PCDHA12: variants seen among roughly 807,000 people sequenced by gnomAD.
PCDHA12 encodes the protein protocadherin alpha 12, also known as protocadherin alpha-12.
In PCDHA12, 44 loss-of-function variants were observed where a neutral mutation model predicts 60.0. The observed-to-expected ratio is 0.73, with a 90% CI of 0.58 to 0.94. The LOEUF (loss-of-function observed/expected upper bound fraction) is 0.94. Among genes scored for constraint, PCDHA12 ranks in the 40% least tolerant of loss-of-function variants. The probability of loss-of-function intolerance (pLI) is 0.00; values close to 1 mark genes in which losing one functional copy is unlikely to be tolerated. For synonymous variants in PCDHA12, 569 were observed against 553.0 expected (o/e 1.03, Z -0.40); for missense variants, 1,276 against 1,239.7 (o/e 1.03, Z -0.44).
chr5:140,877,335 G>T lies in PCDHA12; in HGVS notation c.1863G>T (p.Pro621=). Residue 621 remains proline (P), a synonymous_variant, in exon 1 of 4, where the codon CCG becomes CCT. Transcript: ENST00000398631. ...LQPAAVGAHI[P]FHVGLYTGEI... ...CGGCGGCGGTCGGCGCGCACATCCC[G>T]TTCCACGTGGGGCTGTACACTGGCG... is the stretch of plus-strand genomic sequence containing the variant. The T allele has an allele frequency of 1.2e-6, 2 of 1,613,978 alleles. No homozygotes were observed. Among genetic ancestry groups the T allele is most frequent in the Non-Finnish European group, 1.7e-6 (2 of 1,179,872 alleles).
In PCDHA12 at chr5:140,876,867, G is replaced by A; in HGVS notation, c.1395G>A (p.Lys465=). 1 of 1,614,152 alleles carries A rather than the reference G, an allele frequency of 6.2e-7. No homozygotes were observed. The highest frequency in any genetic ancestry group is 8.5e-7 in the Non-Finnish European group (1 of 1,180,006). ...AGCCCGAGTACACAGTGTTCGTGAA[G>A]GAGAACAACCCGCCGGGCTGCCACA... ...FAQPEYTVFV[K]ENNPPGCHIF... The change falls in exon 1 of 4, where the codon AAG becomes AAA. Residue 465 remains lysine (K), a synonymous_variant. Transcript: ENST00000398631.
chr5:140,927,513 C>G, intron 1 of PCDHA12: 1 of 1,614,062 alleles, frequency 6.2e-7, no homozygotes, highest in Non-Finnish European at 8.5e-7. Context: ...CAGCTCGGGA[C>G]GGCGGGCTAC....
chr5:140,927,451 T>C (rs782170767), intron 1 of PCDHA12: 4 of 1,614,082 alleles, frequency 2.5e-6, no homozygotes, highest in South Asian at 1.1e-5. Context: ...GGAGTTGGTG[T>C]TGGAGAAAGC....
At position 140,928,315 on chromosome 5, in the gene PCDHA12, G is replaced by A. The variant is rs535660713; in HGVS notation, c.2367+50476G>A. On this transcript the variant is annotated intron_variant, in intron 1 of 3. Coordinates refer to ENST00000398631, the MANE Select transcript of PCDHA12 (RefSeq NM_018903.4). ...AGTGTTTGCCCAGGACCCCGACCTG[G>A]GGAAGAATGGCCTTGTCTCTTATGA... The A allele has an allele frequency of 1.3e-4, 210 of 1,614,054 alleles. No homozygotes were observed. Among genetic ancestry groups the A allele is most frequent in the Non-Finnish European group, 1.7e-4 (203 of 1,180,048 alleles).
At chr5:140,928,293 G>A (rs782241081) in intron 1 of PCDHA12, 1 of 1,614,150 alleles carries the variant, frequency 6.2e-7, no homozygotes, top group South Asian at 1.1e-5. Flanking sequence ...TAGGCCGAGT[G>A]TTTGCCCAGG....
At chr5:140,960,823 G>A (rs370898808) in intron 1 of PCDHA12, among the ~76,000 whole-genome samples, 2 of 152,012 alleles carry the variant, frequency 1.3e-5, no homozygotes, top group East Asian at 3.9e-4. Context: ...AGTGATGAAT[G>A]GAAACTTGGA....
intron 1 of PCDHA12, among the ~76,000 whole-genome samples, chr5:140,958,025 A>G (rs920360369): frequency 1.3e-5 from 2 of 152,150 alleles, no homozygotes; most frequent in Non-Finnish European, 2.9e-5. Flanking sequence ...CAAGTATACT[A>G]TGCTTTCTTT....
rs781991042 is a variant in PCDHA12, at chr5:140,968,933, A to G, written c.2368-10016A>G. ...AGTGTCTTTTATATTTCTTTTGACA[A>G]TCATCATTTTGAGCATCATCAAGTG... On this transcript the variant is annotated intron_variant, in intron 1 of 3. Transcript: ENST00000398631. 77 of 1,614,052 alleles carry G rather than the reference A, an allele frequency of 4.8e-5. No individual in the cohort carries two copies. Among genetic ancestry groups the G allele is most frequent in the Non-Finnish European group, 6.0e-5 (71 of 1,180,034 alleles).
chr5:140,917,378 A>G (rs532934226), intron 1 of PCDHA12, among the ~76,000 whole-genome samples: 4 of 150,894 alleles, frequency 2.7e-5, no homozygotes, highest in South Asian at 2.1e-4. Context: ...CTCCACCTCA[A>G]TAGTCTGATG....
chr5:140,971,295 G>C (rs2096467939), intron 1 of PCDHA12, among the ~76,000 whole-genome samples: 2 of 152,232 alleles, frequency 1.3e-5, no homozygotes, highest in South Asian at 4.1e-4. Flanking sequence ...TATGTACTTT[G>C]GTACACAAAC....
chr5:140,885,044 T>G (rs187504984), intron 1 of PCDHA12, among the ~76,000 whole-genome samples: 1 of 152,360 alleles, frequency 6.6e-6, no homozygotes, highest in African/African-American at 2.4e-5. Context: ...TTTAGTTTAA[T>G]GTATACATAT....
intron 1 of PCDHA12, chr5:140,927,658 C>T (rs782350503): frequency 5.0e-6 from 8 of 1,614,094 alleles, no homozygotes; most frequent in Non-Finnish European, 6.8e-6. Context: ...ATTCCGAGTT[C>T]AAGCCTTGGA....
chr5:140,976,287 AAGCCTGTAATCCC>A (rs1253731489), intron 1 of PCDHA12, among the ~76,000 whole-genome samples: 3 of 152,196 alleles, frequency 2.0e-5, no homozygotes, highest in Admixed American at 6.5e-5. Flanking sequence ...ACAGTGGCTC[AAGCCTGTAATCCC>A]AGCACTTTGG....
At chr5:140,947,969 C>T (rs1159851699) in intron 1 of PCDHA12, among the ~76,000 whole-genome samples, 1 of 151,182 alleles carries the variant, frequency 6.6e-6, no homozygotes, top group African/African-American at 2.4e-5. Context: ...TAAGTATGTG[C>T]TACTCATAGG....
chr5:140,974,553 C>G (rs1554236197), intron 1 of PCDHA12, among the ~76,000 whole-genome samples: 1 of 151,870 alleles, frequency 6.6e-6, no homozygotes, highest in African/African-American at 2.4e-5. Context: ...CTCTTGTTGC[C>G]CAGGCTGGAG....
intron 3 of PCDHA12, among the ~76,000 whole-genome samples, chr5:140,991,302 T>C (rs2097443703): frequency 6.6e-6 from 1 of 152,204 alleles, no homozygotes; most frequent in African/African-American, 2.4e-5. Flanking sequence ...ATTACTATTA[T>C]CTTGTCCCGC....
At chr5:140,966,811 G>T (rs377370256) in intron 1 of PCDHA12, 6 of 1,549,722 alleles carry the variant, frequency 3.9e-6, no homozygotes, top group African/African-American at 1.4e-5. Context: ...AGCATCCACG[G>T]CTCCGGCGGC....
At chr5:140,899,545 G>A (rs2067400002) in intron 1 of PCDHA12, among the ~76,000 whole-genome samples, 1 of 152,158 alleles carries the variant, frequency 6.6e-6, no homozygotes, top group African/African-American at 2.4e-5. Context: ...TGATCATGGT[G>A]GATAAGCTTT....
At chr5:140,956,949 A>G (rs1027198370) in intron 1 of PCDHA12, among the ~76,000 whole-genome samples, 5 of 140,514 alleles carry the variant, frequency 3.6e-5, no homozygotes, top group African/African-American at 1.3e-4. Flanking sequence ...TTTACATTAA[A>G]ACACTGTAAT....
Sources: gnomAD v4.1 joint callset for allele counts (sites outside exome capture counted in the v4.1 genomes callset) on GRCh38, gnomAD v4.1.1 for gene constraint, MANE v1.5 for transcripts, NCBI Gene and HGNC (gene_info 2026-07-23, HGNC 2026-07-21) for gene names.